Variants in SLC36A1 observed in about 807,000 individuals in gnomAD.
SLC36A1 encodes solute carrier family 36 member 1, also known as proton-coupled amino acid transporter 1.
SLC36A1 carries 30 observed loss-of-function variants against 47.5 expected under a neutral mutation model. That is an observed-to-expected ratio of 0.63 (90% CI 0.47 to 0.86). SLC36A1 has a LOEUF of 0.86. Ranked by LOEUF, SLC36A1 falls within the 40% of genes least tolerant of loss-of-function variation. The probability of loss-of-function intolerance (pLI) is 0.00; values close to 1 mark genes in which losing one functional copy is unlikely to be tolerated. For missense variants in SLC36A1, 517 were observed against 606.0 expected (o/e 0.85, Z 1.54); for synonymous variants, 255 against 249.7 (o/e 1.02, Z -0.20).
the SLC36A1 span, chr5:151,543,522 G>A: frequency 4.0e-5 from 65 of 1,614,076 alleles, no homozygotes; most frequent in Non-Finnish European, 5.3e-5. Context: ...TGGCAATCTG[G>A]CCATTGGGGT....
chr5:151,494,837 G>C (rs1275868671), downstream of SLC36A1, among the ~76,000 whole-genome samples: 2 of 152,130 alleles, frequency 1.3e-5, no homozygotes, highest in African/African-American at 2.4e-5. Flanking sequence ...CTGCTAATCA[G>C]AGTATGTTAT....
At chr5:151,359,601 AC>A in the SLC36A1 span, among the ~76,000 whole-genome samples, 3 of 152,230 alleles carry the variant, frequency 2.0e-5, no homozygotes, top group Non-Finnish European at 4.4e-5. Context: ...CCAGTTTTGA[AC>A]ATTTCAATCA....
intron 10 of SLC36A1, among the ~76,000 whole-genome samples, chr5:151,482,437 CTA>C (rs1758926013): frequency 6.6e-6 from 1 of 152,046 alleles, no homozygotes; most frequent in South Asian, 2.1e-4. Context: ...AAATATTACT[CTA>C]AAAAAAGAAA....
In SLC36A1 at chr5:151,467,759, T is replaced by C; in HGVS notation, c.557T>C (p.Val186Ala). 1 of 1,614,032 alleles carries C rather than the reference T, an allele frequency of 6.2e-7. No individual in the cohort carries two copies. Among genetic ancestry groups the C allele is most frequent in the Non-Finnish European group, 8.5e-7 (1 of 1,180,008 alleles). The change falls in exon 7 of 11, where the codon GTG (valine) becomes GCG (alanine). Residue 186 changes from valine to alanine, a missense_variant. Transcript: ENST00000243389. ...AATAACTGCCACAACAATGAGACGGTGATTCTGACGCCTACCATGGACTCG... is the reference window on the plus strand; with the variant it reads ...AATAACTGCCACAACAATGAGACGGCGATTCTGACGCCTACCATGGACTCG... ...TTNNCHNNET[V>A]ILTPTMDSRL...
the SLC36A1 span, chr5:151,544,009 T>C: frequency 6.2e-7 from 1 of 1,614,208 alleles, no homozygotes; most frequent in Non-Finnish European, 8.5e-7. Context: ...GGGGTTGTCA[T>C]TGATATCAGA....
the SLC36A1 span, among the ~76,000 whole-genome samples, chr5:151,537,509 GAATAA>G: frequency 0.075 from 11,451 of 152,000 alleles, 715 homozygotes; most frequent in East Asian, 0.19. Flanking sequence ...AATTTTAAAA[GAATAA>G]AATAAATCCC....
chr5:151,368,150 A>G, the SLC36A1 span, among the ~76,000 whole-genome samples: 1 of 152,232 alleles, frequency 6.6e-6, no homozygotes, highest in South Asian at 2.1e-4. Context: ...GACTAAAGAC[A>G]TCCTACACCA....
At chr5:151,437,838 C>A (rs1490904520) in intron 1 of SLC36A1, among the ~76,000 whole-genome samples, 4 of 152,062 alleles carry the variant, frequency 2.6e-5, no homozygotes, top group Non-Finnish European at 4.4e-5. Flanking sequence ...GTCCTAAAAT[C>A]AAGGTGTGAC....
upstream of SLC36A1, among the ~76,000 whole-genome samples, chr5:151,443,542 G>A (rs1420755232): frequency 6.6e-6 from 1 of 152,122 alleles, no homozygotes; most frequent in Non-Finnish European, 1.5e-5. Flanking sequence ...AGTTATATGA[G>A]TTTTTGATAC....
At chr5:151,534,735 A>G in the SLC36A1 span, 3 of 1,103,682 alleles carry the variant, frequency 2.7e-6, no homozygotes, top group South Asian at 4.4e-5. Context: ...AAACCCAGCC[A>G]CACAGAGTTT....
At chr5:151,546,377 C>A in the SLC36A1 span, 1 of 1,490,234 alleles carries the variant, frequency 6.7e-7, no homozygotes, top group South Asian at 1.2e-5. Context: ...GCCACACCCT[C>A]GACAGGTATC....
the SLC36A1 span, chr5:151,509,929 C>T: frequency 6.9e-7 from 1 of 1,445,588 alleles, no homozygotes; most frequent in Non-Finnish European, 9.5e-7. Flanking sequence ...GCAGCACTCT[C>T]CCCTGGCCTC....
At chr5:151,423,758 A>G in the SLC36A1 span, among the ~76,000 whole-genome samples, 1 of 152,260 alleles carries the variant, frequency 6.6e-6, no homozygotes. Flanking sequence ...GTGCAACACC[A>G]AAAGTGAACC....
At chr5:151,372,474 C>T in the SLC36A1 span, among the ~76,000 whole-genome samples, 1 of 151,526 alleles carries the variant, frequency 6.6e-6, no homozygotes, top group Non-Finnish European at 1.5e-5. Flanking sequence ...AACAAGGTCT[C>T]ACTTTGTTCC....
chr5:151,398,044 G>A, the SLC36A1 span, among the ~76,000 whole-genome samples: 1 of 152,282 alleles, frequency 6.6e-6, no homozygotes, highest in African/African-American at 2.4e-5. Context: ...CTTGAGCCCA[G>A]GAGGTTGAGG....
At chr5:151,405,028 G>T in the SLC36A1 span, among the ~76,000 whole-genome samples, 1 of 152,146 alleles carries the variant, frequency 6.6e-6, no homozygotes, top group African/African-American at 2.4e-5. Flanking sequence ...CAAGAATGCC[G>T]AGTTGTAGGT....
At chr5:151,510,231 CTGGCATTGGCAGACTGG>C in the SLC36A1 span, 270 of 1,577,174 alleles carry the variant, frequency 1.7e-4, no homozygotes, top group Non-Finnish European at 2.1e-4. Context: ...TAAAGGAGAC[CTGGCATTGGCAGACTGG>C]TGTGTTTGTG....
chr5:151,424,999 A>G, the SLC36A1 span, among the ~76,000 whole-genome samples: 1 of 152,232 alleles, frequency 6.6e-6, no homozygotes, highest in African/African-American at 2.4e-5. Flanking sequence ...TACCTCAACA[A>G]AGCTGTTAAA....
At chr5:151,390,370 G>A in the SLC36A1 span, among the ~76,000 whole-genome samples, 1 of 152,176 alleles carries the variant, frequency 6.6e-6, no homozygotes, top group East Asian at 1.9e-4. Context: ...TGATCACTCT[G>A]ACGGTAGTTT....
Sources: gnomAD v4.1 joint callset for allele counts (sites outside exome capture counted in the v4.1 genomes callset) on GRCh38, gnomAD v4.1.1 for gene constraint, MANE v1.5 for transcripts, NCBI Gene and HGNC (gene_info 2026-07-23, HGNC 2026-07-21) for gene names.